The following GSK3B variants were observed in gnomAD, a reference collection of about 807,000 sequenced individuals.
GSK3B encodes glycogen synthase kinase 3 beta, also known as glycogen synthase kinase-3 beta.
In GSK3B, 15 loss-of-function variants were observed where a neutral mutation model predicts 56.4. That is an observed-to-expected ratio of 0.27 (90% CI 0.18 to 0.41). GSK3B has a LOEUF of 0.41. Ranked by LOEUF, GSK3B falls within the 10% of genes least tolerant of loss-of-function variation. The probability of loss-of-function intolerance (pLI) is 1.00; values close to 1 mark genes in which losing one functional copy is unlikely to be tolerated. For synonymous variants in GSK3B, 181 were observed against 188.9 expected (o/e 0.96, Z 0.34); for missense variants, 300 against 513.4 (o/e 0.58, Z 4.02).
intron 8 of GSK3B, among the ~76,000 whole-genome samples, chr3:119,875,002 T>G (rs1213625442): frequency 6.6e-6 from 1 of 152,070 alleles, no homozygotes; most frequent in Non-Finnish European, 1.5e-5. Context: ...CCTAAATATC[T>G]TCTGACCCAG....
At chr3:119,858,230 G>T (rs1314943975) in intron 9 of GSK3B, among the ~76,000 whole-genome samples, 1 of 152,166 alleles carries the variant, frequency 6.6e-6, no homozygotes, top group Non-Finnish European at 1.5e-5. Context: ...AAGCTTTGAA[G>T]CCAGGCCATC....
At chr3:120,005,236 G>A (rs752312404) in intron 1 of GSK3B, among the ~76,000 whole-genome samples, 7 of 152,046 alleles carry the variant, frequency 4.6e-5, no homozygotes, top group East Asian at 1.9e-4. Context: ...AAAAAAGAGT[G>A]AAAAGAAATG....
intron 1 of GSK3B, among the ~76,000 whole-genome samples, chr3:120,061,914 T>G: frequency 6.6e-6 from 1 of 151,960 alleles, no homozygotes; most frequent in East Asian, 1.9e-4. Flanking sequence ...GTACTTTTAG[T>G]AGAGACGGGG....
chr3:120,070,107 G>A (rs1010521034), intron 1 of GSK3B, among the ~76,000 whole-genome samples: 2 of 151,958 alleles, frequency 1.3e-5, no homozygotes, highest in Non-Finnish European at 2.9e-5. Context: ...CACCTACTTG[G>A]GAGGCTGAGG....
At chr3:119,922,926 T>C (rs2056857516) in intron 4 of GSK3B, among the ~76,000 whole-genome samples, 1 of 152,160 alleles carries the variant, frequency 6.6e-6, no homozygotes, top group South Asian at 2.1e-4. Flanking sequence ...CCAATGCATA[T>C]TTAAAATTGC....
chr3:120,036,308 A>G lies in GSK3B; in HGVS notation c.89-34069T>C, dbSNP rs2058022167. Among the ~76,000 whole-genome samples, 4 of 152,332 alleles carry G rather than the reference A, an allele frequency of 2.6e-5. No homozygotes were observed. In the South Asian group the frequency reaches 8.3e-4, roughly 32 times the overall value. ...TCCTCGATTTTTTTATGTAACAGAA[A>G]AACATAAACACTACTTTATTATGAT... On this transcript the variant is annotated intron_variant, in intron 1 of 10. Coordinates refer to ENST00000264235, the MANE Select transcript of GSK3B (RefSeq NM_001146156.2).
intron 1 of GSK3B, among the ~76,000 whole-genome samples, chr3:120,067,151 G>T (rs2058287477): frequency 6.6e-6 from 1 of 151,048 alleles, no homozygotes; most frequent in African/African-American, 2.4e-5. Flanking sequence ...GACTGTTAAA[G>T]AGATTAGGTG....
At chr3:120,088,049 C>G (rs369366929) in intron 1 of GSK3B, among the ~76,000 whole-genome samples, 1 of 152,144 alleles carries the variant, frequency 6.6e-6, no homozygotes, top group Non-Finnish European at 1.5e-5. Context: ...CACACCACCA[C>G]GCCCCCGCTA....
chr3:119,952,258 C>T (rs1050046836), intron 2 of GSK3B, among the ~76,000 whole-genome samples: 1 of 151,778 alleles, frequency 6.6e-6, no homozygotes, highest in South Asian at 2.1e-4. Flanking sequence ...GAGGCCGAGG[C>T]GGGTGGATTA....
At chr3:119,834,518 G>A (rs968658754) in intron 10 of GSK3B, among the ~76,000 whole-genome samples, 2 of 152,142 alleles carry the variant, frequency 1.3e-5, no homozygotes, top group Non-Finnish European at 2.9e-5. Context: ...TATTTGATCT[G>A]CTGGCAGCTG....
intron 2 of GSK3B, among the ~76,000 whole-genome samples, chr3:119,983,103 C>CT (rs1438070364): frequency 6.6e-6 from 1 of 152,126 alleles, no homozygotes; most frequent in Non-Finnish European, 1.5e-5. Context: ...TCCAGCCAAA[C>CT]TAAGCTTCAT....
intron 7 of GSK3B, among the ~76,000 whole-genome samples, chr3:119,893,905 G>A (rs1483559639): frequency 1.3e-5 from 2 of 150,762 alleles, no homozygotes; most frequent in African/African-American, 2.4e-5. Context: ...TGTACTTCAT[G>A]TATCATGAAA....
chr3:120,079,342 ACACACACATTT>A (rs749941745), intron 1 of GSK3B, among the ~76,000 whole-genome samples: 2,155 of 134,212 alleles, frequency 0.016, 16 homozygotes, highest in African/African-American at 0.025. Flanking sequence ...ACACACACAC[ACACACACATTT>A]TTTTTTTTAA....
intron 3 of GSK3B, among the ~76,000 whole-genome samples, chr3:119,928,276 G>C (rs143965393): frequency 2.0e-4 from 30 of 152,272 alleles, no homozygotes; most frequent in African/African-American, 6.7e-4. Flanking sequence ...AAATTTATTT[G>C]TAAGCTAAGT....
intron 6 of GSK3B, among the ~76,000 whole-genome samples, chr3:119,910,004 A>G (rs955330719): frequency 6.6e-6 from 1 of 152,212 alleles, no homozygotes; most frequent in Non-Finnish European, 1.5e-5. Flanking sequence ...TAAATAATGG[A>G]GATGGCATGA....
rs571261034 is a variant in GSK3B at position 119,823,228 on chromosome 3, C to T, written c.*3560G>A. On this transcript the variant is annotated 3_prime_UTR_variant, in exon 11 of 11. Transcript: ENST00000264235. ...CTATTTTTCTTTCAAAAAAGGCCTT[C>T]GTGTTGGGCACACAGTAAGAATTAA... is the stretch of plus-strand genomic sequence containing the variant. 3.6e-5 allele frequency: 8 copies of T among 224,740 alleles called. No individual in the cohort carries two copies. Among genetic ancestry groups the T allele is most frequent in the Admixed American group, 1.1e-4 (2 of 17,480 alleles). 13.9% of individuals were successfully genotyped at this position (224,740 alleles called of 1,614,324 possible).
chr3:119,968,186 G>A (rs1206522377), intron 2 of GSK3B, among the ~76,000 whole-genome samples: 8 of 152,022 alleles, frequency 5.3e-5, no homozygotes, highest in East Asian at 1.9e-4. Context: ...CATAAAGATA[G>A]GGGCTCCCTA....
intron 2 of GSK3B, among the ~76,000 whole-genome samples, chr3:119,951,327 T>G (rs2057154364): frequency 6.6e-6 from 1 of 152,214 alleles, no homozygotes; most frequent in African/African-American, 2.4e-5. Context: ...ATCCCACCAC[T>G]TTGGGAGGTT....
At chr3:119,854,043 T>C (rs377122330) in intron 9 of GSK3B, among the ~76,000 whole-genome samples, 238 of 152,312 alleles carry the variant, frequency 1.6e-3, no homozygotes, top group Non-Finnish European at 2.6e-3. Context: ...TTCAGTATGA[T>C]ATTGGCTGTG....
Sources: gnomAD v4.1 joint callset for allele counts (sites outside exome capture counted in the v4.1 genomes callset) on GRCh38, gnomAD v4.1.1 for gene constraint, MANE v1.5 for transcripts, NCBI Gene and HGNC (gene_info 2026-07-23, HGNC 2026-07-21) for gene names.